The following NCAM2 variants were observed in gnomAD, a reference collection of about 807,000 sequenced individuals.
The protein encoded by NCAM2 is N-CAM-2.
NCAM2 carries 30 observed loss-of-function variants against 98.1 expected under a neutral mutation model. The ratio of observed to expected loss-of-function variants is 0.31; its 90% CI spans 0.23 to 0.41. The LOEUF (loss-of-function observed/expected upper bound fraction) is 0.41. Among genes scored for constraint, NCAM2 ranks in the 10% least tolerant of loss-of-function variants. NCAM2 has a pLI of 1.00. For synonymous variants in NCAM2, 368 were observed against 342.4 expected (o/e 1.07, Z -0.83); for missense variants, 867 against 1,005.8 (o/e 0.86, Z 1.87).
At chr21:21,194,410 A>C (rs2068934048) in intron 1 of NCAM2, among the ~76,000 whole-genome samples, 1 of 152,132 alleles carries the variant, frequency 6.6e-6, no homozygotes, top group South Asian at 2.1e-4. Context: ...AACTTTTTAC[A>C]TCTATTAACT....
At chr21:20,998,983 A>G (rs1362505481) in intron 1 of NCAM2, among the ~76,000 whole-genome samples, 2 of 152,164 alleles carry the variant, frequency 1.3e-5, no homozygotes, top group African/African-American at 4.8e-5. Flanking sequence ...GCGGAAGGAA[A>G]GGGCACGATG....
At chr21:21,108,948 G>C (rs900101815) in intron 1 of NCAM2, among the ~76,000 whole-genome samples, 1 of 152,066 alleles carries the variant, frequency 6.6e-6, no homozygotes, top group Non-Finnish European at 1.5e-5. Context: ...CTGTGGGCAG[G>C]AGTCCATATT....
chr21:21,110,693 C>T (rs1315533828), intron 1 of NCAM2, among the ~76,000 whole-genome samples: 1 of 151,314 alleles, frequency 6.6e-6, no homozygotes, highest in African/African-American at 2.4e-5. Flanking sequence ...TTTATTAAAA[C>T]AATTATTTGG....
chr21:21,249,325 A>G (rs1466853773), intron 1 of NCAM2, among the ~76,000 whole-genome samples: 1 of 152,138 alleles, frequency 6.6e-6, no homozygotes, highest in East Asian at 1.9e-4. Flanking sequence ...AAGTTACTAC[A>G]TTGCATACAA....
At chr21:21,243,799 T>C (rs1047470313) in intron 1 of NCAM2, among the ~76,000 whole-genome samples, 1 of 152,136 alleles carries the variant, frequency 6.6e-6, no homozygotes, top group African/African-American at 2.4e-5. Flanking sequence ...ATGGAAAGAA[T>C]AGATAGAGGG....
At chr21:21,094,861 A>G (rs748034629) in intron 1 of NCAM2, among the ~76,000 whole-genome samples, 13 of 151,754 alleles carry the variant, frequency 8.6e-5, no homozygotes, top group South Asian at 4.1e-4. Flanking sequence ...AAAAAATTCC[A>G]TGGGGACATT....
At position 21,154,127 on chromosome 21, in the gene NCAM2, A is replaced by G. The variant is rs1259827162; in HGVS notation, c.56-126451A>G. On this transcript the variant is annotated intron_variant, in intron 1 of 17. Coordinates refer to ENST00000400546, the MANE Select transcript of NCAM2 (RefSeq NM_004540.5). ...TTTGGCACTTAAATTATGGGTTTCC[A>G]CGATATATGGGGATAGAATAACAAG... is the stretch of plus-strand genomic sequence containing the variant. 2.0e-5 allele frequency among the ~76,000 whole-genome samples: 3 copies of G among 151,888 alleles called. No homozygotes were observed. In the East Asian group the frequency reaches 5.8e-4, roughly 29 times the overall value.
At chr21:21,112,433 T>C (rs2066472068) in intron 1 of NCAM2, among the ~76,000 whole-genome samples, 1 of 152,246 alleles carries the variant, frequency 6.6e-6, no homozygotes, top group African/African-American at 2.4e-5. Context: ...TGCTTGCCTG[T>C]TTCTATTACA....
At chr21:21,363,598 A>G (rs780846531) in intron 8 of NCAM2, among the ~76,000 whole-genome samples, 23 of 152,208 alleles carry the variant, frequency 1.5e-4, no homozygotes, top group Middle Eastern at 3.4e-3. Context: ...GAAAATATCC[A>G]TAGTGTTTTA....
intron 15 of NCAM2, among the ~76,000 whole-genome samples, chr21:21,480,171 C>T (rs1985711856): frequency 6.6e-6 from 1 of 151,808 alleles, no homozygotes; most frequent in Admixed American, 6.6e-5. Flanking sequence ...TCGAGACCAT[C>T]CTGACTAACA....
chr21:21,529,141 C>T (rs1989487870), intron 16 of NCAM2, among the ~76,000 whole-genome samples: 1 of 152,078 alleles, frequency 6.6e-6, no homozygotes, highest in Middle Eastern at 3.4e-3. Context: ...TCATTCATCC[C>T]CCCTTATGAA....
chr21:21,540,949 C>T lies in NCAM2; in HGVS notation c.*2992C>T, dbSNP rs1309965572. ...AAGATTTATTTATTATTTTTGTGGG[C>T]TAAGACATTGCCATTCTATTGATAC... is the stretch of plus-strand genomic sequence containing the variant. On this transcript the variant is annotated 3_prime_UTR_variant, in exon 18 of 18. Transcript: ENST00000400546. The T allele has an allele frequency of 6.6e-6, 1 of 151,692 alleles. No homozygotes were observed. The highest frequency in any genetic ancestry group is 1.9e-4 in the East Asian group (1 of 5,190). The allele number at this position is 151,692 out of a possible 1,614,324, so 9.4% of individuals were successfully genotyped here.
chr21:21,489,689 A>G (rs1986687373), intron 15 of NCAM2, among the ~76,000 whole-genome samples: 1 of 152,118 alleles, frequency 6.6e-6, no homozygotes, highest in East Asian at 1.9e-4. Flanking sequence ...AATGATTACA[A>G]CTTATGTTGA....
intron 15 of NCAM2, among the ~76,000 whole-genome samples, chr21:21,487,000 A>G (rs950132617): frequency 3.9e-5 from 6 of 152,264 alleles, no homozygotes; most frequent in Middle Eastern, 3.4e-3. Flanking sequence ...CAACTCTGAG[A>G]TACACATAAA....
At chr21:21,500,408 G>T (rs1190575172) in intron 15 of NCAM2, among the ~76,000 whole-genome samples, 1 of 152,084 alleles carries the variant, frequency 6.6e-6, no homozygotes, top group African/African-American at 2.4e-5. Flanking sequence ...GCCCCACCTG[G>T]TGTGATGCAG....
chr21:21,209,242 G>T (rs1601651278), intron 1 of NCAM2, among the ~76,000 whole-genome samples: 1 of 151,988 alleles, frequency 6.6e-6, no homozygotes, highest in Non-Finnish European at 1.5e-5. Context: ...TACGAGATTG[G>T]TCTTGCTGTG....
chr21:21,536,646 T>G (rs1026277400), intron 17 of NCAM2, among the ~76,000 whole-genome samples: 25 of 152,212 alleles, frequency 1.6e-4, no homozygotes, highest in African/African-American at 5.8e-4. Context: ...CGCCTTGGCC[T>G]CCCAAAGTGC....
At chr21:21,503,128 A>G (rs1290201461) in intron 15 of NCAM2, among the ~76,000 whole-genome samples, 1 of 151,944 alleles carries the variant, frequency 6.6e-6, no homozygotes, top group Non-Finnish European at 1.5e-5. Context: ...TGCTTTAGCC[A>G]GAGATACATT....
At chr21:21,133,471 T>C (rs2066977278) in intron 1 of NCAM2, among the ~76,000 whole-genome samples, 1 of 152,190 alleles carries the variant, frequency 6.6e-6, no homozygotes, top group Non-Finnish European at 1.5e-5. Context: ...CCACTGTAAG[T>C]CACATGCCCA....
Sources: allele counts gnomAD v4.1 joint callset (sites outside exome capture counted in the v4.1 genomes callset), GRCh38; gene constraint gnomAD v4.1.1; transcripts MANE v1.5; gene names NCBI Gene and HGNC (gene_info 2026-07-23, HGNC 2026-07-21).